VEZT: variants seen among roughly 807,000 people sequenced by gnomAD.
VEZT encodes vezatin.
Under a neutral mutation model 79.9 loss-of-function variants are expected in VEZT, and 39 were observed. The ratio of observed to expected loss-of-function variants is 0.49; its 90% confidence interval spans 0.38 to 0.64. The LOEUF is 0.64. VEZT is among the 30% of genes least tolerant of loss of function. The pLI is 0.00. For synonymous variants in VEZT, 325 were observed against 327.6 expected (o/e 0.99, Z 0.09); for missense variants, 837 against 893.1 (o/e 0.94, Z 0.80).
At chr12:95,239,608 G>C (rs2060616176) in intron 1 of VEZT, among the ~76,000 whole-genome samples, 1 of 152,148 alleles carries the variant, frequency 6.6e-6, no homozygotes, top group Non-Finnish European at 1.5e-5. Flanking sequence ...AGAGTCTCAA[G>C]GGTGCATCAG....
At chr12:95,291,694 C>A (rs1040677031) in intron 9 of VEZT, among the ~76,000 whole-genome samples, 11 of 152,262 alleles carry the variant, frequency 7.2e-5, no homozygotes, top group African/African-American at 2.4e-4. Flanking sequence ...CTTCAGGGAG[C>A]TTTTTTCACT....
At chr12:95,267,046 G>C (rs1055411833) in intron 5 of VEZT, among the ~76,000 whole-genome samples, 3 of 152,076 alleles carry the variant, frequency 2.0e-5, no homozygotes, top group African/African-American at 2.4e-5. Context: ...CTCTTGACAT[G>C]TACTAATAAC....
At chr12:95,246,908 C>T (rs746896368) in intron 1 of VEZT, among the ~76,000 whole-genome samples, 1 of 152,134 alleles carries the variant, frequency 6.6e-6, no homozygotes, top group Non-Finnish European at 1.5e-5. Context: ...ACCTACTCTG[C>T]CTTACCCTCT....
intron 1 of VEZT, chr12:95,218,248 C>G (rs749165078): frequency 5.4e-6 from 1 of 184,850 alleles, no homozygotes; most frequent in Admixed American, 6.2e-5. Context: ...ACAACTTAGC[C>G]TCCTCCTTTT....
Position 95,252,002 on chromosome 12 carries a change from T to C in VEZT, c.99T>C (p.Ser33=). The C allele has an allele frequency of 6.2e-7, 1 of 1,612,732 alleles. No homozygotes were observed. Among genetic ancestry groups the C allele is most frequent in the Non-Finnish European group, 8.5e-7 (1 of 1,179,326 alleles). The change falls in exon 2 of 12, where the codon TCT becomes TCC. Residue 33 remains serine (S), a synonymous_variant. Transcript: ENST00000436874. Reference sequence around the variant, plus strand: ...ACACAGACTTTGAAATATGTTCTTCTTTGTCACCAAAAACAGAAAAATGCA... The same window carrying C: ...ACACAGACTTTGAAATATGTTCTTCCTTGTCACCAAAAACAGAAAAATGCA... ...LGHTDFEICS[S]LSPKTEKCTT... is the part of the protein sequence containing the mutation.
At chr12:95,276,539 G>A (rs1329614258) in intron 7 of VEZT, among the ~76,000 whole-genome samples, 1 of 151,818 alleles carries the variant, frequency 6.6e-6, no homozygotes, top group Non-Finnish European at 1.5e-5. Flanking sequence ...CAAAGTGTTG[G>A]GATAACAGGC....
Position 95,300,264 on chromosome 12 carries a change from C to T in VEZT, c.1931C>T (p.Thr644Ile), listed in dbSNP as rs1414557780. Residue 644 changes from threonine to isoleucine, a missense_variant, in exon 12 of 12, where the codon ACT (threonine) becomes ATT (isoleucine). By Grantham distance (89) the Thr-to-Ile change is moderately conservative. Transcript: ENST00000436874. ...SDMGKVSKND[T>I]EEESNKSATT... The stretch of plus-strand genomic sequence containing the variant: ...ATGGGAAAAGTCAGTAAAAATGATA[C>T]TGAAGAGGAAAGTAATAAATCCGCC... The T allele has an allele frequency of 1.3e-6, 2 of 1,589,078 alleles. No individual in the cohort carries two copies. Among genetic ancestry groups the T allele is most frequent in the Admixed American group, 3.6e-5 (2 of 56,144 alleles).
intron 8 of VEZT, among the ~76,000 whole-genome samples, chr12:95,285,198 C>G (rs867646172): frequency 6.6e-6 from 1 of 151,618 alleles, no homozygotes; most frequent in East Asian, 1.9e-4. Context: ...AATCCTGATA[C>G]TTTGGGAGGC....
chr12:95,297,231 G>A (rs2074346743), intron 11 of VEZT, among the ~76,000 whole-genome samples: 1 of 152,178 alleles, frequency 6.6e-6, no homozygotes, highest in Non-Finnish European at 1.5e-5. Flanking sequence ...TATCAACCTA[G>A]CTAATTCTTA....
intron 8 of VEZT, among the ~76,000 whole-genome samples, chr12:95,285,317 GC>G (rs896844595): frequency 2.6e-5 from 4 of 151,666 alleles, no homozygotes; most frequent in Non-Finnish European, 5.9e-5. Flanking sequence ...GGTGGTACAC[GC>G]CTGTAGTCCC....
intron 1 of VEZT, among the ~76,000 whole-genome samples, chr12:95,236,634 G>A (rs2060238915): frequency 6.7e-6 from 1 of 149,640 alleles, no homozygotes; most frequent in South Asian, 2.1e-4. Flanking sequence ...GCAGTGTCAT[G>A]ATTTTGGCTC....
intron 9 of VEZT, among the ~76,000 whole-genome samples, chr12:95,290,464 A>T (rs1427953409): frequency 6.6e-6 from 1 of 152,248 alleles, no homozygotes; most frequent in East Asian, 1.9e-4. Flanking sequence ...GGCAACAAAA[A>T]AAGTGAACTA....
At chr12:95,218,180 G>A (rs1346701826) in intron 1 of VEZT, 1 of 283,826 alleles carries the variant, frequency 3.5e-6, no homozygotes, top group Non-Finnish European at 6.3e-6. Flanking sequence ...GAATGGATGT[G>A]CGGCGGGGGG....
chr12:95,275,001 C>T, intron 7 of VEZT, 112 bp downstream of exon 7: 1 of 1,295,140 alleles, frequency 7.7e-7, no homozygotes, highest in Non-Finnish European at 1.0e-6. Context: ...TTGCTGCATA[C>T]CATCATCATA....
At chr12:95,244,013 A>G (rs1364936781) in intron 1 of VEZT, 3 of 455,850 alleles carry the variant, frequency 6.6e-6, no homozygotes, top group African/African-American at 4.0e-5. Context: ...GAGCTAAGTA[A>G]GCTTCTTTCT....
At chr12:95,284,463 A>G (rs1477981161) in intron 8 of VEZT, among the ~76,000 whole-genome samples, 1 of 152,174 alleles carries the variant, frequency 6.6e-6, no homozygotes, top group Non-Finnish European at 1.5e-5. Flanking sequence ...GTATGGCCAG[A>G]TTAGTGTTAC....
intron 2 of VEZT, among the ~76,000 whole-genome samples, chr12:95,252,967 A>G (rs548695437): frequency 1.3e-5 from 2 of 149,190 alleles, no homozygotes; most frequent in East Asian, 4.0e-4. Context: ...CTGTGTCTCA[A>G]AGAAAAAAAA....
chr12:95,282,676 C>G (rs371200127), intron 8 of VEZT, 32 bp downstream of exon 8: 1 of 1,519,886 alleles, frequency 6.6e-7, no homozygotes, highest in Non-Finnish European at 8.9e-7. Flanking sequence ...AGAAAGGTCT[C>G]GGTAATTAGC....
At chr12:95,234,820 G>T (rs1034919450) in intron 1 of VEZT, among the ~76,000 whole-genome samples, 4 of 152,196 alleles carry the variant, frequency 2.6e-5, no homozygotes, top group Non-Finnish European at 5.9e-5. Flanking sequence ...CGCAGTGTTT[G>T]TGTCCCTGGG....
Sources: gnomAD v4.1 joint callset for allele counts (sites outside exome capture counted in the v4.1 genomes callset) on GRCh38, gnomAD v4.1.1 for gene constraint, MANE v1.5 for transcripts, NCBI Gene and HGNC (gene_info 2026-07-23, HGNC 2026-07-21) for gene names.